Variants in L3MBTL1 observed in about 807,000 individuals in gnomAD.
L3MBTL1 encodes lethal(3)malignant brain tumor-like protein 1.
A neutral mutation model predicts 105.3 loss-of-function variants in L3MBTL1; 75 were observed. The ratio of observed to expected loss-of-function variants is 0.71; its 90% CI spans 0.59 to 0.86. The LOEUF is 0.86. Among genes scored for constraint, L3MBTL1 ranks in the 40% least tolerant of loss-of-function variants. The probability of loss-of-function intolerance (pLI) is 0.00; values close to 1 mark genes in which losing one functional copy is unlikely to be tolerated. For missense variants in L3MBTL1, 1,069 were observed against 1,126.4 expected (o/e 0.95, Z 0.73); for synonymous variants, 452 against 436.2 (o/e 1.04, Z -0.45).
downstream of L3MBTL1, among the ~76,000 whole-genome samples, chr20:43,545,905 G>A (rs981070365): frequency 3.9e-5 from 6 of 152,178 alleles, no homozygotes; most frequent in East Asian, 5.8e-4. Context: ...TCCTGCCTCC[G>A]TTTAACCTCT....
intron 7 of L3MBTL1, 95 bp from the exon 8 acceptor site, chr20:43,528,562 T>G: frequency 1.2e-6 from 1 of 862,762 alleles, no homozygotes; most frequent in Non-Finnish European, 1.9e-6. Flanking sequence ...AAAGATTTGT[T>G]TTGGGGGTGA....
intron 1 of L3MBTL1, among the ~76,000 whole-genome samples, chr20:43,508,313 A>G (rs1027026050): frequency 2.0e-5 from 3 of 152,020 alleles, no homozygotes; most frequent in African/African-American, 7.2e-5. Context: ...GCCTTTGCCT[A>G]TACCAGTCCC....
At chr20:43,516,016 A>G (rs1413219488) in intron 6 of L3MBTL1, 77 bp from the exon 7 acceptor site, 1 of 1,103,876 alleles carries the variant, frequency 9.1e-7, no homozygotes, top group Non-Finnish European at 1.4e-6. Context: ...AGAGCCAGGT[A>G]GGGGCCAGGA....
intron 19 of L3MBTL1, 80 bp downstream of exon 19, chr20:43,536,538 A>G (rs965399761): frequency 8.6e-6 from 13 of 1,505,448 alleles, no homozygotes; most frequent in Middle Eastern, 2.0e-4. Flanking sequence ...GGGATGAGAC[A>G]GATTTCCCAG....
intron 7 of L3MBTL1, among the ~76,000 whole-genome samples, chr20:43,528,431 G>A (rs1338898447): frequency 2.0e-5 from 3 of 152,310 alleles, no homozygotes; most frequent in Middle Eastern, 3.4e-3. Context: ...TGGCCTGAGC[G>A]GGTGGGGGGG....
chr20:43,530,825 G>A lies in L3MBTL1; in HGVS notation c.1220G>A (p.Ser407Asn). Residue 407 changes from serine (S) to asparagine (N), a missense_variant, in exon 11 of 22, where the codon AGC (serine) becomes AAC (asparagine). By Grantham distance (46) the Ser-to-Asn change is conservative. Transcript: ENST00000418998. ...KGYKEEEFSW[S>N]QYLRSTRAQA... ...TACAAGGAGGAGGAGTTCAGCTGGA[G>A]CCAGTACCTGCGCAGCACAAGAGCT... 1.2e-6 allele frequency: 2 copies of A among 1,614,182 alleles called. No individual in the cohort carries two copies. The highest frequency in any genetic ancestry group is 8.5e-7 in the Non-Finnish European group (1 of 1,180,046).
At chr20:43,527,882 GA>G (rs886116718) in intron 7 of L3MBTL1, among the ~76,000 whole-genome samples, 3 of 151,252 alleles carry the variant, frequency 2.0e-5, no homozygotes, top group Non-Finnish European at 4.4e-5. Flanking sequence ...ACCACGCCTG[GA>G]TAATTTTTGG....
chr20:43,514,291 T>G, intron 3 of L3MBTL1: 2 of 814,820 alleles, frequency 2.5e-6, no homozygotes, highest in Non-Finnish European at 3.7e-6. Context: ...GGACTGGGCC[T>G]GTGGGTGTCT....
At position 43,540,152 on chromosome 20, in the gene L3MBTL1, C is replaced by A; in HGVS notation, c.2175C>A (p.Thr725=). The A allele has an allele frequency of 6.2e-7, 1 of 1,611,498 alleles. No homozygotes were observed. The highest frequency in any genetic ancestry group is 1.3e-5 in the African/African-American group (1 of 75,050). ...YRKIPQEDFQ[T]LTPDVVHQSL... ...CCAGCCTCTGCCTCTGCTTTCCAGC[C>A]CTCACGCCCGATGTCGTGCACCAGT... is the stretch of plus-strand genomic sequence containing the variant. Residue 725 remains threonine, a splice_region_variant and synonymous_variant, in exon 20 of 22, where the codon ACC becomes ACA. Coordinates refer to ENST00000418998, the MANE Select transcript of L3MBTL1 (RefSeq NM_001377303.1).
At chr20:43,509,509 G>A (rs1010088470) in intron 1 of L3MBTL1, among the ~76,000 whole-genome samples, 1 of 152,214 alleles carries the variant, frequency 6.6e-6, no homozygotes, top group African/African-American at 2.4e-5. Context: ...TTACAGGCAT[G>A]AGCCACCAGG....
At chr20:43,525,875 C>T (rs900788417) in intron 7 of L3MBTL1, among the ~76,000 whole-genome samples, 7 of 152,060 alleles carry the variant, frequency 4.6e-5, no homozygotes, top group Non-Finnish European at 7.3e-5. Flanking sequence ...AGACATGGCA[C>T]ACAGGTTTAA....
chr20:43,547,033 T>G (rs922052062), intron 18 of L3MBTL1, among the ~76,000 whole-genome samples: 2 of 152,070 alleles, frequency 1.3e-5, no homozygotes, highest in Non-Finnish European at 2.9e-5. Flanking sequence ...TTGGTTTTGG[T>G]TTTTATGTCT....
intron 7 of L3MBTL1, among the ~76,000 whole-genome samples, chr20:43,525,101 G>T (rs1254723006): frequency 6.9e-6 from 1 of 144,672 alleles, no homozygotes; most frequent in Non-Finnish European, 1.5e-5. Context: ...AGAATGGAAG[G>T]ATCCTGGGGA....
chr20:43,511,471 G>C (rs2018133135), intron 1 of L3MBTL1, among the ~76,000 whole-genome samples: 1 of 152,108 alleles, frequency 6.6e-6, no homozygotes, highest in Non-Finnish European at 1.5e-5. Context: ...GGGGTGAGGG[G>C]TGTGCTGCTG....
At chr20:43,548,100 C>A in intron 18 of L3MBTL1, 1 of 1,303,714 alleles carries the variant, frequency 7.7e-7, no homozygotes, top group South Asian at 1.2e-5. Context: ...CTCCCTCCCG[C>A]AACCCCTCAG....
chr20:43,513,639 G>A lies in L3MBTL1; in HGVS notation c.136G>A (p.Ala46Thr), dbSNP rs2018200492. ...GCCCGCAACTGCCTTCATCATTCCA[G>A]GTGAGTCAAGCTAGGGTAGGAGTCT... Reference protein sequence around the residue: ...HLPATAFIIPASSATLGLPSS... With the variant: ...HLPATAFIIPTSSATLGLPSS... Residue 46 changes from alanine to threonine, a missense_variant and splice_region_variant, in exon 2 of 22, where the codon GCC (alanine) becomes ACC (threonine). By Grantham distance (58) the Ala-to-Thr change is moderately conservative. Transcript: ENST00000418998. The A allele has an allele frequency of 6.4e-7, 1 of 1,550,512 alleles. No individual in the cohort carries two copies. The highest frequency in any genetic ancestry group is 1.4e-5 in the African/African-American group (1 of 73,024).
rs138857192 is a variant in L3MBTL1 at position 43,523,348 on chromosome 20, A to G, written c.863-5309A>G. 8.4e-3 allele frequency: 1,839 copies of G among 219,576 alleles called. 21 individuals are homozygous for G. Among genetic ancestry groups the G allele is most frequent in the Non-Finnish European group, 0.014 (1,473 of 102,062 alleles). The allele number at this position is 219,576 out of a possible 1,614,324, so 13.6% of individuals were successfully genotyped here. On this transcript the variant is annotated intron_variant, in intron 7 of 21. Coordinates refer to ENST00000418998, the MANE Select transcript of L3MBTL1 (RefSeq NM_001377303.1). ...GACATAAATTTTCCAGAGTGGTAGA[A>G]TCTCATTCCCATAATGCCAGCCAAG...
chr20:43,544,022 C>T (rs1403674815), downstream of L3MBTL1, among the ~76,000 whole-genome samples: 1 of 152,146 alleles, frequency 6.6e-6, no homozygotes, highest in Non-Finnish European at 1.5e-5. Flanking sequence ...AGTTGTTGCT[C>T]CTGGTGGAGT....
intron 21 of L3MBTL1, 35 bp downstream of exon 21, chr20:43,540,850 G>C: frequency 1.2e-6 from 2 of 1,612,464 alleles, no homozygotes; most frequent in Non-Finnish European, 1.7e-6. Context: ...GACAGAGCCG[G>C]GGTCACTGTC....
Sources: allele counts gnomAD v4.1 joint callset (sites outside exome capture counted in the v4.1 genomes callset), GRCh38; gene constraint gnomAD v4.1.1; transcripts MANE v1.5; gene names NCBI Gene and HGNC (gene_info 2026-07-23, HGNC 2026-07-21).